Variants in MYO3A observed in about 807,000 individuals in gnomAD.
The protein encoded by MYO3A is myosin IIIA.
A neutral mutation model predicts 192.7 loss-of-function variants in MYO3A; 180 were observed. The observed-to-expected ratio is 0.93, with a 90% CI of 0.83 to 1.06. MYO3A has a LOEUF of 1.06. Among genes scored for constraint, MYO3A ranks in the 50% least tolerant of loss-of-function variants. MYO3A has a pLI of 0.00. For missense variants in MYO3A, 1,896 were observed against 1,905.0 expected, an observed-to-expected ratio of 1.00 and a Z score of 0.09; for synonymous variants, 628 against 645.3, an observed-to-expected ratio of 0.97 and a Z score of 0.41.
intron 4 of MYO3A, among the ~76,000 whole-genome samples, chr10:25,976,398 C>T (rs567388848): frequency 6.6e-6 from 1 of 152,148 alleles, no homozygotes; most frequent in Admixed American, 6.5e-5. Context: ...AGCTAATGGC[C>T]TTAAAACATT....
At chr10:25,953,235 T>C (rs1837320335) in intron 3 of MYO3A, among the ~76,000 whole-genome samples, 1 of 152,050 alleles carries the variant, frequency 6.6e-6, no homozygotes, top group South Asian at 2.1e-4. Context: ...CTGCAAAAGG[T>C]CTCTGAGTCT....
rs1168714716 is a variant in MYO3A, at chr10:26,203,189, A to C, written c.4730+82A>C. The C allele has an allele frequency of 4.9e-6, 7 of 1,432,648 alleles. No individual in the cohort carries two copies. In the East Asian group the frequency reaches 1.7e-4, roughly 34 times the overall value. 88.7% of individuals were successfully genotyped at this position (1,432,648 alleles called of 1,614,324 possible). The stretch of plus-strand genomic sequence containing the variant: ...TCTTAAGATATTTCACTTTATATAT[A>C]GATGAATGACAAAGCACTCTTACTG... On this transcript the variant is annotated intron_variant, in intron 34 of 34. Transcript: ENST00000642920.
rs570190937 is a variant in MYO3A, at chr10:26,145,321, A to C, written c.2417-125A>C. On this transcript the variant is annotated intron_variant, in intron 21 of 34. Coordinates refer to ENST00000642920, the MANE Select transcript of MYO3A (RefSeq NM_017433.5). The stretch of plus-strand genomic sequence containing the variant: ...ATGTATAATTCTATTCCAAATCTGC[A>C]TATATTAGCTATGTAAAATTTTCTT... The C allele has an allele frequency of 1.6e-5, 11 of 687,176 alleles. No homozygotes were observed. The Admixed American group carries it at 2.3e-4, about 14-fold the overall frequency. The allele number at this position is 687,176 out of a possible 1,614,324, so 42.6% of individuals were successfully genotyped here.
At chr10:26,036,353 G>A (rs554688398) in intron 10 of MYO3A, among the ~76,000 whole-genome samples, 1 of 152,218 alleles carries the variant, frequency 6.6e-6, no homozygotes, top group South Asian at 2.1e-4. Context: ...TAGGAACTAG[G>A]TTTAATGACA....
chr10:25,936,990 A>T (rs1182110913), intron 2 of MYO3A, among the ~76,000 whole-genome samples: 1 of 152,144 alleles, frequency 6.6e-6, no homozygotes, highest in East Asian at 1.9e-4. Flanking sequence ...CTTGATAAAA[A>T]ATGCAGAACC....
At chr10:25,953,657 A>G (rs1837355462) in intron 3 of MYO3A, among the ~76,000 whole-genome samples, 1 of 152,068 alleles carries the variant, frequency 6.6e-6, no homozygotes, top group South Asian at 2.1e-4. Flanking sequence ...TTCTTAATGG[A>G]GAACAAATGG....
chr10:26,176,854 C>G lies in MYO3A; in HGVS notation c.4438+9C>G. ...TCAGCAGTGCCTCTCAGGTAAAAAT[C>G]AGTAGAGTTAGAACTTCCTGAATGG... On this transcript the variant is annotated intron_variant, in intron 31 of 34. Coordinates refer to ENST00000642920, the MANE Select transcript of MYO3A (RefSeq NM_017433.5). 6.2e-7 allele frequency: 1 copy of G among 1,613,714 alleles called. No individual in the cohort carries two copies. Among genetic ancestry groups the G allele is most frequent in the Non-Finnish European group, 8.5e-7 (1 of 1,179,654 alleles).
rs766416066 is a variant in MYO3A at position 26,193,186 on chromosome 10, A to T, written c.4439-19A>T. 1.3e-5 allele frequency: 20 copies of T among 1,543,770 alleles called. 1 individual carries two copies. The South Asian group carries it at 2.0e-4, about 16-fold the overall frequency. ...AGTATTTGTAATTAAATACTTGTTT[A>T]TGATCACCTTTCTTATAGGTGTCTG... On this transcript the variant is annotated intron_variant, in intron 31 of 34. Coordinates refer to ENST00000642920, the MANE Select transcript of MYO3A (RefSeq NM_017433.5).
chr10:26,180,180 A>G, intron 31 of MYO3A, among the ~76,000 whole-genome samples: 1 of 152,216 alleles, frequency 6.6e-6, no homozygotes, highest in African/African-American at 2.4e-5. Context: ...AGTATTTAAT[A>G]CTAGCCAATG....
At chr10:25,996,437 G>T in intron 4 of MYO3A, 53 bp from the exon 5 acceptor site, 11 of 1,482,202 alleles carry the variant, frequency 7.4e-6, no homozygotes, top group South Asian at 1.1e-5. Context: ...TTTCTAGAAA[G>T]AACATAAAAT....
At chr10:26,037,528 G>A (rs75426204) in intron 10 of MYO3A, among the ~76,000 whole-genome samples, 2,675 of 152,240 alleles carry the variant, frequency 0.018, 34 homozygotes, top group Admixed American at 0.024. Flanking sequence ...GTGAGAGATA[G>A]GGATCTAGTT....
At chr10:25,976,812 G>A (rs944192527) in intron 4 of MYO3A, among the ~76,000 whole-genome samples, 1 of 151,972 alleles carries the variant, frequency 6.6e-6, no homozygotes, top group African/African-American at 2.4e-5. Context: ...CCCCCTTTTA[G>A]TCTATCTTGG....
chr10:26,178,075 A>T (rs1842420154), intron 31 of MYO3A, among the ~76,000 whole-genome samples: 1 of 152,158 alleles, frequency 6.6e-6, no homozygotes, highest in African/African-American at 2.4e-5. Context: ...AGGCCCATTC[A>T]TTTGGCTGCT....
intron 14 of MYO3A, among the ~76,000 whole-genome samples, chr10:26,070,714 A>G (rs12765553): frequency 0.47 from 71,981 of 151,752 alleles, 17,853 homozygotes; most frequent in Middle Eastern, 0.59. Flanking sequence ...GCAGGTTAAA[A>G]GAGAGTCAAC....
At chr10:26,093,369 G>A (rs1011687619) in intron 15 of MYO3A, among the ~76,000 whole-genome samples, 1 of 152,008 alleles carries the variant, frequency 6.6e-6, no homozygotes, top group Non-Finnish European at 1.5e-5. Context: ...ATTATTTTGT[G>A]GTGAGAAAAG....
chr10:26,039,207 A>ATTTTTTTTTTTT (rs34416918), intron 10 of MYO3A, among the ~76,000 whole-genome samples: 409 of 106,796 alleles, frequency 3.8e-3, no homozygotes, highest in Non-Finnish European at 4.6e-3. Context: ...GGCTCGGCTA[A>ATTTTTTTTTTTT]TTTTTTTTTT....
chr10:25,963,364 G>A (rs1838060344), intron 4 of MYO3A, among the ~76,000 whole-genome samples: 1 of 152,084 alleles, frequency 6.6e-6, no homozygotes, highest in African/African-American at 2.4e-5. Flanking sequence ...CTTACATCTA[G>A]TTAGTAATAT....
chr10:26,197,104 G>T (rs567740515), intron 32 of MYO3A, among the ~76,000 whole-genome samples: 1 of 152,328 alleles, frequency 6.6e-6, no homozygotes, highest in East Asian at 1.9e-4. Context: ...TCACTGAACC[G>T]AGTATTACCA....
intron 34 of MYO3A, among the ~76,000 whole-genome samples, chr10:26,208,000 A>T (rs1420178850): frequency 6.6e-6 from 1 of 152,004 alleles, no homozygotes. Flanking sequence ...TCCTTGATTA[A>T]ATTTATTCCT....
Sources: allele counts gnomAD v4.1 joint callset (sites outside exome capture counted in the v4.1 genomes callset), GRCh38; gene constraint gnomAD v4.1.1; transcripts MANE v1.5; gene names NCBI Gene and HGNC (gene_info 2026-07-23, HGNC 2026-07-21).